The following ACER1 variants were observed in gnomAD, a reference collection of about 807,000 sequenced individuals.
ACER1 encodes the protein CTB-180A7.3.
In ACER1, 28 loss-of-function variants were observed where a neutral mutation model predicts 24.9. The observed-to-expected ratio is 1.13, with a 90% confidence interval of 0.83 to 1.54. ACER1 has a LOEUF of 1.54. Among genes scored for constraint, ACER1 ranks in the 40% most tolerant of loss-of-function variants. ACER1 has a pLI of 0.00. For missense variants in ACER1, 352 were observed against 349.3 expected (o/e 1.01, Z -0.06); for synonymous variants, 132 against 131.4 (o/e 1.00, Z -0.03).
chr19:6,330,795 A>G (rs1425968617), intron 1 of ACER1, among the ~76,000 whole-genome samples: 1 of 149,892 alleles, frequency 6.7e-6, no homozygotes, highest in Middle Eastern at 3.4e-3. Context: ...ACCGGGAACC[A>G]TATCTCTGGC....
Position 6,306,661 on chromosome 19 carries a change from T to A in ACER1, c.*53A>T. On this transcript the variant is annotated 3_prime_UTR_variant, in exon 6 of 6. Coordinates refer to ENST00000301452, the MANE Select transcript of ACER1 (RefSeq NM_133492.3). ...GCAAGTCCTGACCGGGGCTATCTTC[T>A]CAAGACACAGGCAAGTTGTTGGGTG... The A allele has an allele frequency of 1.3e-6, 2 of 1,559,398 alleles. No homozygotes were observed. The highest frequency in any genetic ancestry group is 1.7e-6 in the Non-Finnish European group (2 of 1,149,220).
chr19:6,330,478 T>C (rs2091681889), intron 1 of ACER1, among the ~76,000 whole-genome samples: 1 of 150,094 alleles, frequency 6.7e-6, no homozygotes, highest in Admixed American at 6.6e-5. Flanking sequence ...CCACAGCTAG[T>C]TTTTAAATTT....
chr19:6,334,266 G>C (rs1276143621), upstream of ACER1, among the ~76,000 whole-genome samples: 2 of 151,962 alleles, frequency 1.3e-5, no homozygotes, highest in South Asian at 4.2e-4. Flanking sequence ...GGATGGTCTC[G>C]ATCTCCTGAC....
chr19:6,311,664 A>G (rs576044041), intron 3 of ACER1, among the ~76,000 whole-genome samples: 1 of 150,490 alleles, frequency 6.6e-6, no homozygotes, highest in East Asian at 2.0e-4. Context: ...GGAGGAGGAG[A>G]AGGAGGAGGA....
At chr19:6,319,973 G>T (rs1383880015) in intron 1 of ACER1, among the ~76,000 whole-genome samples, 1 of 151,806 alleles carries the variant, frequency 6.6e-6, no homozygotes, top group Non-Finnish European at 1.5e-5. Flanking sequence ...TAGCCGGTGT[G>T]GTGGTGGATG....
At chr19:6,330,380 C>A (rs1351390212) in intron 1 of ACER1, among the ~76,000 whole-genome samples, 1 of 149,080 alleles carries the variant, frequency 6.7e-6, no homozygotes, top group Non-Finnish European at 1.5e-5. Flanking sequence ...GTTGTCCAGG[C>A]TGGTCTCAAA....
intron 1 of ACER1, among the ~76,000 whole-genome samples, chr19:6,314,737 C>T (rs887145938): frequency 1.3e-5 from 2 of 152,090 alleles, no homozygotes; most frequent in African/African-American, 4.8e-5. Flanking sequence ...TGAGTATCTA[C>T]CCAAAGGAAA....
At chr19:6,306,935 G>C in intron 5 of ACER1, 53 bp from the exon 6 acceptor site, 2 of 1,568,484 alleles carry the variant, frequency 1.3e-6, no homozygotes, top group Non-Finnish European at 1.7e-6. Context: ...ACAGCCTCAC[G>C]CCGGCCCTCT....
At chr19:6,311,280 T>A (rs559745201) in intron 3 of ACER1, among the ~76,000 whole-genome samples, 2 of 151,796 alleles carry the variant, frequency 1.3e-5, no homozygotes, top group South Asian at 2.1e-4. Context: ...AGAATTTCAC[T>A]TGCCTGTAAT....
chr19:6,312,297 C>CG lies in ACER1; in HGVS notation c.209-8dup, dbSNP rs770109994. The CG allele has an allele frequency of 6.2e-7, 1 of 1,613,802 alleles. No homozygotes were observed. Among genetic ancestry groups the CG allele is most frequent in the Non-Finnish European group, 8.5e-7 (1 of 1,179,936 alleles). ...AAATACATGGAGAACAGGCCTGCAG[C>CG]GGCAAGGGCAGGCGGTCAGTGGGGT... On this transcript the variant is annotated splice_region_variant and splice_polypyrimidine_tract_variant and intron_variant, in intron 2 of 5. Transcript: ENST00000301452.
At chr19:6,351,246 G>T in the ACER1 span, among the ~76,000 whole-genome samples, 131 of 152,020 alleles carry the variant, frequency 8.6e-4, no homozygotes, top group Non-Finnish European at 1.6e-3. Context: ...GGCACCTGTT[G>T]TCCCAGCTAC....
chr19:6,313,699 T>C (rs764374577), intron 1 of ACER1, among the ~76,000 whole-genome samples: 1 of 152,218 alleles, frequency 6.6e-6, no homozygotes, highest in Non-Finnish European at 1.5e-5. Context: ...GGAAAGACGA[T>C]GCAGTACCTT....
the ACER1 span, among the ~76,000 whole-genome samples, chr19:6,346,603 ATC>A: frequency 2.7e-5 from 4 of 149,054 alleles, no homozygotes; most frequent in African/African-American, 9.9e-5. Flanking sequence ...TGCAGCCTCA[ATC>A]TCCTGGCTGG....
intron 1 of ACER1, among the ~76,000 whole-genome samples, chr19:6,317,880 G>A (rs756469506): frequency 1.3e-4 from 20 of 151,744 alleles, no homozygotes; most frequent in Non-Finnish European, 2.8e-4. Context: ...TCAGCCTCCC[G>A]AGTAGCAGGG....
At chr19:6,333,924 G>C (rs1370331101), upstream of ACER1, among the ~76,000 whole-genome samples, 2 of 152,144 alleles carry the variant, frequency 1.3e-5, no homozygotes, top group Non-Finnish European at 2.9e-5. Context: ...CTGTTGCTCA[G>C]GCTGGGGTAC....
At chr19:6,324,015 C>G (rs368021310) in intron 1 of ACER1, among the ~76,000 whole-genome samples, 2 of 152,030 alleles carry the variant, frequency 1.3e-5, no homozygotes, top group Admixed American at 6.6e-5. Context: ...CCCTCCACCC[C>G]CTTCCGACTC....
At chr19:6,348,389 C>T in the ACER1 span, among the ~76,000 whole-genome samples, 8 of 148,498 alleles carry the variant, frequency 5.4e-5, no homozygotes, top group African/African-American at 1.7e-4. Context: ...TGCTTGAACC[C>T]GGGAAGTGGA....
the ACER1 span, among the ~76,000 whole-genome samples, chr19:6,351,834 A>G: frequency 2.0e-5 from 3 of 152,172 alleles, no homozygotes; most frequent in South Asian, 6.2e-4. Context: ...AGGCGGGTGG[A>G]TCACAACGCC....
the ACER1 span, among the ~76,000 whole-genome samples, chr19:6,344,406 C>T: frequency 2.6e-5 from 4 of 151,832 alleles, no homozygotes; most frequent in Non-Finnish European, 5.9e-5. Context: ...TGTGCCATTG[C>T]ACTCCATCTT....
Sources: allele counts gnomAD v4.1 joint callset (sites outside exome capture counted in the v4.1 genomes callset), GRCh38; gene constraint gnomAD v4.1.1; transcripts MANE v1.5; gene names NCBI Gene and HGNC (gene_info 2026-07-23, HGNC 2026-07-21).